The following F10 variants were observed in gnomAD, a reference collection of about 807,000 sequenced individuals.
F10 encodes the protein Stuart-Prower factor.
F10 carries 29 observed loss-of-function variants against 37.1 expected under a neutral mutation model. The ratio of observed to expected loss-of-function variants is 0.78; its 90% CI spans 0.58 to 1.07. The LOEUF (loss-of-function observed/expected upper bound fraction) is 1.07. Ranked by LOEUF, F10 falls within the 50% of genes least tolerant of loss-of-function variation. F10 has a pLI of 0.00. For missense variants in F10, 539 were observed against 667.9 expected (o/e 0.81, Z 2.13); for synonymous variants, 262 against 268.6 (o/e 0.98, Z 0.24).
intron 2 of F10, among the ~76,000 whole-genome samples, chr13:113,135,732 T>C (rs1364812366): frequency 6.6e-6 from 1 of 152,114 alleles, no homozygotes; most frequent in Non-Finnish European, 1.5e-5. Flanking sequence ...TTCACAATTA[T>C]ACAAAAATTA....
At chr13:113,134,961 C>T (rs1166776261) in intron 2 of F10, among the ~76,000 whole-genome samples, 1 of 152,134 alleles carries the variant, frequency 6.6e-6, no homozygotes, top group East Asian at 1.9e-4. Context: ...CAATTTTCGG[C>T]CGGGCGCGGT....
intron 2 of F10, among the ~76,000 whole-genome samples, chr13:113,137,253 C>T (rs114784571): frequency 1.8e-4 from 27 of 152,188 alleles, no homozygotes; most frequent in African/African-American, 6.3e-4. Flanking sequence ...TCACAAGGTC[C>T]TATAATAAAC....
rs1209199962 is a variant in F10 at position 113,143,825 on chromosome 13, G to A, written c.503-26G>A. On this transcript the variant is annotated intron_variant, in intron 5 of 7. Transcript: ENST00000375559. The surrounding 1 kb of genome is among the most constrained non-coding windows in gnomAD (Gnocchi z 6.8). ...ATGGGGAGCCTCTCTCTGTGCTGAA[G>A]GCCCCGGCCGTCCTCTTTCTTTCAG... 1 of 1,609,474 alleles carries A rather than the reference G, an allele frequency of 6.2e-7. No individual in the cohort carries two copies. The highest frequency in any genetic ancestry group is 1.1e-5 in the South Asian group (1 of 91,008).
At chr13:113,145,934 T>G (rs886535722) in intron 6 of F10, among the ~76,000 whole-genome samples, 14 of 152,194 alleles carry the variant, frequency 9.2e-5, no homozygotes, top group African/African-American at 3.4e-4. Context: ...ACCTTGTTGC[T>G]GGGCATCCTG....
At chr13:113,147,104 C>T (rs2138553723) in intron 6 of F10, among the ~76,000 whole-genome samples, 1 of 152,280 alleles carries the variant, frequency 6.6e-6, no homozygotes, top group Non-Finnish European at 1.5e-5. Flanking sequence ...AGCATCTTTT[C>T]CAAAGCATGG....
In F10 at chr13:113,141,102, G is replaced by A; in HGVS notation, c.502+52G>A. 6.2e-7 allele frequency: 1 copy of A among 1,608,720 alleles called. No individual in the cohort carries two copies. Among genetic ancestry groups the A allele is most frequent in the Non-Finnish European group, 8.5e-7 (1 of 1,179,398 alleles). On this transcript the variant is annotated intron_variant, in intron 5 of 7. Transcript: ENST00000375559. The surrounding 1 kb of genome is among the most constrained non-coding windows in gnomAD (Gnocchi z 5.4). ...CCCGCTGCCGCTGGGCCGGGCCAGG[G>A]AGGACAAGCCCGTGCCAGGGGGTGG...
In F10 at chr13:113,138,469, A is replaced by C. The variant is rs1202515097; in HGVS notation, c.244A>C (p.Asn82His). ...TTTTTCCTTTTAGAATGAATTCTGG[A>C]ATAAATACAAAGGTCAGTATTTTTT... is the stretch of plus-strand genomic sequence containing the variant. ...EDSDKTNEFW[N>H]KYKDGDQCET... Residue 82 changes from asparagine (N) to histidine (H), a missense_variant, in exon 3 of 8, where the codon AAT (asparagine) becomes CAT (histidine). Coordinates refer to ENST00000375559, the MANE Select transcript of F10 (RefSeq NM_000504.4). The C allele has an allele frequency of 7.3e-7, 1 of 1,374,696 alleles. No homozygotes were observed. The highest frequency in any genetic ancestry group is 1.0e-6 in the Non-Finnish European group (1 of 968,642). 85.2% of individuals were successfully genotyped at this position (1,374,696 alleles called of 1,614,324 possible). A position where few individuals can be genotyped will look rare whatever the true frequency, so the allele number is the denominator to read the frequency against.
At chr13:113,132,764 G>C (rs1360877739) in intron 2 of F10, among the ~76,000 whole-genome samples, 1 of 152,146 alleles carries the variant, frequency 6.6e-6, no homozygotes, top group South Asian at 2.1e-4. Context: ...GAATCTAATG[G>C]ACATTTATAG....
Position 113,129,179 on chromosome 13 carries a change from C to G in F10, c.71-273C>G, listed in dbSNP as rs184489009. ...AACGTGAATGCTGGTCAGCTGTGCC[C>G]GAATTCCAAAGGAAGAAATAATGAG... is the stretch of plus-strand genomic sequence containing the variant. On this transcript the variant is annotated intron_variant, in intron 1 of 7. Transcript: ENST00000375559. 2.0e-5 allele frequency among the ~76,000 whole-genome samples: 3 copies of G among 152,274 alleles called. No homozygotes were observed. The South Asian group carries it at 6.2e-4, about 32-fold the overall frequency.
At chr13:113,142,709 T>C (rs1465840069) in intron 5 of F10, among the ~76,000 whole-genome samples, 8 of 147,482 alleles carry the variant, frequency 5.4e-5, no homozygotes, top group African/African-American at 1.9e-4. Flanking sequence ...GTGGATCACC[T>C]GAGGTCAGGA....
At chr13:113,133,147 G>A (rs372513153) in intron 2 of F10, among the ~76,000 whole-genome samples, 5 of 151,692 alleles carry the variant, frequency 3.3e-5, no homozygotes, top group Admixed American at 1.3e-4. Flanking sequence ...AAAGAAAGAC[G>A]GTCTCAAATT....
Position 113,138,450 on chromosome 13 carries a change from CT to C in F10, c.232-3del. The C allele has an allele frequency of 1.6e-6, 2 of 1,267,340 alleles. No individual in the cohort carries two copies. The highest frequency in any genetic ancestry group is 1.1e-6 in the Non-Finnish European group (1 of 875,214). 78.5% of individuals were successfully genotyped at this position (1,267,340 alleles called of 1,614,324 possible). A position where few individuals can be genotyped will look rare whatever the true frequency, so the allele number is the denominator to read the frequency against. ...AATATATTTTTAAATTTCTTTTTTC[CT>C]TTTAGAATGAATTCTGGAATAAATA... On this transcript the variant is annotated splice_polypyrimidine_tract_variant and splice_region_variant and intron_variant, in intron 2 of 7. Coordinates refer to ENST00000375559, the MANE Select transcript of F10 (RefSeq NM_000504.4).
In F10 at chr13:113,149,208, C is replaced by A. The variant is rs1332756739; in HGVS notation, c.1158C>A (p.Asp386Glu). The change falls in exon 8 of 8, where the codon GAC becomes GAA. Residue 386 changes from aspartate (D) to glutamate (E), a missense_variant. Coordinates refer to ENST00000375559, the MANE Select transcript of F10 (RefSeq NM_000504.4). This position sits in a 1 kb window ranked among gnomAD's most constrained non-coding sequence, Gnocchi z 7.5. ...AGATGCTGGAGGTGCCCTACGTGGA[C>A]CGCAACAGCTGCAAGCTGTCCAGCA... ...RLKMLEVPYV[D>E]RNSCKLSSSF... The A allele has an allele frequency of 6.2e-7, 1 of 1,613,030 alleles. No homozygotes were observed. The highest frequency in any genetic ancestry group is 1.1e-5 in the South Asian group (1 of 91,074).
intron 2 of F10, chr13:113,131,768 A>C (rs1231200796): frequency 6.6e-6 from 1 of 152,254 alleles, no homozygotes; most frequent in Non-Finnish European, 1.5e-5. Context: ...TTTGTCATGA[A>C]GATAGCTGAA....
intron 2 of F10, among the ~76,000 whole-genome samples, chr13:113,133,263 CAA>C (rs1174234629): frequency 6.6e-6 from 1 of 151,384 alleles, no homozygotes; most frequent in Non-Finnish European, 1.5e-5. Flanking sequence ...AAATAATAGA[CAA>C]AATTAATAAG....
rs1208754430 is a variant in F10, at chr13:113,136,861, G to A, written c.232-1596G>A. Among the ~76,000 whole-genome samples the A allele has an allele frequency of 1.6e-4, 4 of 24,376 alleles. 1 individual carries two copies. Among genetic ancestry groups the A allele is most frequent in the Non-Finnish European group, 2.3e-4 (2 of 8,622 alleles). The allele number at this position is 24,376 out of a possible 152,430, so 16.0% of individuals were successfully genotyped here. Reference sequence around the variant, plus strand: ...GAGACGGGGTTTCACCGTTTTAGCTGGGATGGTCTCGATCTCCTGACCTCG... The same window carrying A: ...GAGACGGGGTTTCACCGTTTTAGCTAGGATGGTCTCGATCTCCTGACCTCG... On this transcript the variant is annotated intron_variant, in intron 2 of 7. Transcript: ENST00000375559.
At chr13:113,123,940 C>A (rs3211722) in intron 1 of F10, among the ~76,000 whole-genome samples, 1 of 152,218 alleles carries the variant, frequency 6.6e-6, no homozygotes, top group Non-Finnish European at 1.5e-5. Context: ...CTTCCTCCCC[C>A]TCAGGCCACA....
intron 1 of F10, among the ~76,000 whole-genome samples, chr13:113,124,514 C>T (rs2036352252): frequency 6.6e-6 from 1 of 152,244 alleles, no homozygotes. Context: ...GCCAGGCCAT[C>T]TCTCTCCCCT....
chr13:113,129,653 G>C (rs1318788208), intron 2 of F10, 41 bp downstream of exon 2: 4 of 1,612,986 alleles, frequency 2.5e-6, no homozygotes, highest in African/African-American at 2.7e-5. Context: ...AAGGAGCTCA[G>C]GCCACAGCGC....
Sources: allele counts gnomAD v4.1 joint callset (sites outside exome capture counted in the v4.1 genomes callset), GRCh38; gene constraint gnomAD v4.1.1; non-coding constraint Gnocchi (gnomAD v3.1); transcripts MANE v1.5; gene names NCBI Gene and HGNC (gene_info 2026-07-23, HGNC 2026-07-21).